ZFHX3: variants seen among roughly 807,000 people sequenced by gnomAD.
ZFHX3 encodes zinc finger homeobox 3, also known as zinc finger homeobox protein 3.
Under a neutral mutation model 279.1 loss-of-function variants are expected in ZFHX3, and 42 were observed. The ratio of observed to expected loss-of-function variants is 0.15; its 90% CI spans 0.12 to 0.19. ZFHX3 has a LOEUF of 0.19. Among genes scored for constraint, ZFHX3 ranks in the 10% least tolerant of loss-of-function variants. The pLI, the probability that ZFHX3 is intolerant of heterozygous loss-of-function variation, is 1.00. For missense variants in ZFHX3, 4,981 were observed against 4,754.0 expected, an observed-to-expected ratio of 1.05 and a Z score of -1.40; for synonymous variants, 2,293 against 1,957.8, an observed-to-expected ratio of 1.17 and a Z score of -4.52.
At chr16:73,586,420 AC>A (rs1478023452) in intron 2 of ZFHX3, among the ~76,000 whole-genome samples, 18 of 151,136 alleles carry the variant, frequency 1.2e-4, no homozygotes, top group Middle Eastern at 3.4e-3. Flanking sequence ...AAACAAACAA[AC>A]AAACAAAAAA....
chr16:73,296,521 G>C (rs2014913209), intron 4 of ZFHX3, among the ~76,000 whole-genome samples: 1 of 152,160 alleles, frequency 6.6e-6, no homozygotes, highest in South Asian at 2.1e-4. Context: ...CAATATTTAA[G>C]ATTGACTTGT....
chr16:72,836,060 C>T (rs1413751350), intron 4 of ZFHX3, among the ~76,000 whole-genome samples: 1 of 152,214 alleles, frequency 6.6e-6, no homozygotes, highest in Non-Finnish European at 1.5e-5. Context: ...TAACGGAACA[C>T]AATCTGCAAT....
intron 1 of ZFHX3, among the ~76,000 whole-genome samples, chr16:73,055,872 A>ACACACACACACACACG (rs1320637770): frequency 2.6e-5 from 4 of 151,556 alleles, no homozygotes; most frequent in African/African-American, 9.7e-5. Flanking sequence ...ACACACACAC[A>ACACACACACACACACG]CGCAGAGAAC....
At chr16:72,951,441 T>G (rs1481364142) in intron 2 of ZFHX3, among the ~76,000 whole-genome samples, 1 of 152,068 alleles carries the variant, frequency 6.6e-6, no homozygotes, top group African/African-American at 2.4e-5. Flanking sequence ...TTGTCTTTTT[T>G]AGTAGAGACA....
intron 3 of ZFHX3, among the ~76,000 whole-genome samples, chr16:72,950,105 A>G (rs1204016323): frequency 6.6e-6 from 1 of 151,200 alleles, no homozygotes; most frequent in Admixed American, 6.6e-5. Context: ...AGGAATAAAG[A>G]GATGGAAAAG....
At chr16:73,583,543 G>A (rs552991291) in intron 2 of ZFHX3, among the ~76,000 whole-genome samples, 2 of 152,144 alleles carry the variant, frequency 1.3e-5, no homozygotes, top group African/African-American at 2.4e-5. Context: ...GATCATCAAA[G>A]AAATTTTGCC....
chr16:72,992,411 G>A (rs895042217), intron 1 of ZFHX3, among the ~76,000 whole-genome samples: 3 of 152,160 alleles, frequency 2.0e-5, no homozygotes, highest in Non-Finnish European at 2.9e-5. Flanking sequence ...GAGGACCTCC[G>A]GCTGACCTTT....
rs182997721 is a variant in ZFHX3 at position 72,859,420 on chromosome 16, G to A, written c.3449-29561C>T. 3.2e-4 allele frequency among the ~76,000 whole-genome samples: 49 copies of A among 152,256 alleles called. No homozygotes were observed. In the East Asian group the frequency reaches 5.8e-3, roughly 18 times the overall value. On this transcript the variant is annotated intron_variant, in intron 4 of 9. Coordinates refer to ENST00000268489, the MANE Select transcript of ZFHX3 (RefSeq NM_006885.4). ...ATCGTCCCAGAGAGGCCGCAAGGGG[G>A]CAAGAGACAAAATCCCACCTCAGCC...
intron 1 of ZFHX3, among the ~76,000 whole-genome samples, chr16:73,786,402 T>C (rs1555501573): frequency 6.6e-6 from 1 of 151,376 alleles, no homozygotes; most frequent in Non-Finnish European, 1.5e-5. Flanking sequence ...ATGAGACACA[T>C]AAAAAAAAAC....
At chr16:73,350,888 T>C in intron 3 of ZFHX3, among the ~76,000 whole-genome samples, 1 of 152,246 alleles carries the variant, frequency 6.6e-6, no homozygotes, top group Non-Finnish European at 1.5e-5. Flanking sequence ...AGAGCCTGAG[T>C]TCTGCTTCCT....
intron 4 of ZFHX3, among the ~76,000 whole-genome samples, chr16:72,862,341 T>C (rs557415594): frequency 5.9e-5 from 9 of 152,374 alleles, no homozygotes; most frequent in African/African-American, 1.7e-4. Context: ...CTGTGTTCCC[T>C]GCCTTCTTCA....
intron 2 of ZFHX3, among the ~76,000 whole-genome samples, chr16:73,659,981 A>T (rs1265206737): frequency 2.0e-5 from 3 of 152,206 alleles, no homozygotes; most frequent in African/African-American, 7.2e-5. Context: ...CTCTCTTTGC[A>T]TTAAGTGTAT....
chr16:73,203,782 A>G (rs2011689026), intron 5 of ZFHX3, among the ~76,000 whole-genome samples: 1 of 152,230 alleles, frequency 6.6e-6, no homozygotes, highest in African/African-American at 2.4e-5. Context: ...TGTGTATCAA[A>G]TCACTAATTT....
intron 1 of ZFHX3, among the ~76,000 whole-genome samples, chr16:73,777,395 C>T (rs1331209243): frequency 6.7e-6 from 1 of 149,256 alleles, no homozygotes; most frequent in Non-Finnish European, 1.5e-5. Flanking sequence ...CTCAGCTACT[C>T]AGGAGGCTGA....
intron 3 of ZFHX3, among the ~76,000 whole-genome samples, chr16:72,939,674 G>C (rs1306623846): frequency 6.6e-6 from 1 of 152,214 alleles, no homozygotes; most frequent in African/African-American, 2.4e-5. Context: ...GATCACTTGA[G>C]GTCAGGAGTT....
At chr16:73,437,908 G>T (rs2018023182) in intron 3 of ZFHX3, among the ~76,000 whole-genome samples, 1 of 152,150 alleles carries the variant, frequency 6.6e-6, no homozygotes, top group African/African-American at 2.4e-5. Context: ...CTCTTCTGTA[G>T]TCTTTCTTAT....
At chr16:73,861,218 G>A (rs751915253) in intron 1 of ZFHX3, among the ~76,000 whole-genome samples, 26 of 152,010 alleles carry the variant, frequency 1.7e-4, no homozygotes, top group Middle Eastern at 3.4e-3. Context: ...TGCCCGCCTC[G>A]GTCTCCAAAA....
chr16:72,972,641 T>G (rs949962754), intron 1 of ZFHX3, among the ~76,000 whole-genome samples: 46 of 152,292 alleles, frequency 3.0e-4, no homozygotes, highest in African/African-American at 1.0e-3. Flanking sequence ...GAAGGCACTA[T>G]GTCGCCAAGA....
intron 2 of ZFHX3, among the ~76,000 whole-genome samples, chr16:72,953,312 C>T (rs1326253619): frequency 6.7e-6 from 1 of 148,598 alleles, no homozygotes; most frequent in Non-Finnish European, 1.5e-5. Context: ...AAAAAAAAAG[C>T]CTAAAAGCTC....
Sources: gnomAD v4.1 joint callset for allele counts (sites outside exome capture counted in the v4.1 genomes callset) on GRCh38, gnomAD v4.1.1 for gene constraint, MANE v1.5 for transcripts, NCBI Gene and HGNC (gene_info 2026-07-23, HGNC 2026-07-21) for gene names.